VPS8: variants seen among roughly 807,000 people sequenced by gnomAD.
VPS8 encodes VPS8 subunit of CORVET complex.
VPS8 carries 129 observed loss-of-function variants against 216.4 expected under a neutral mutation model. The ratio of observed to expected loss-of-function variants is 0.60; its 90% CI spans 0.52 to 0.69. VPS8 has a LOEUF of 0.69. Ranked by LOEUF, VPS8 falls within the 30% of genes least tolerant of loss-of-function variation. The pLI, the probability that VPS8 is intolerant of heterozygous loss-of-function variation, is 0.00. For missense variants in VPS8, 1,531 were observed against 1,683.5 expected (o/e 0.91, Z 1.59); for synonymous variants, 571 against 565.4 (o/e 1.01, Z -0.14).
chr3:184,886,967 A>G (rs1417944043), intron 22 of VPS8, among the ~76,000 whole-genome samples: 1 of 152,146 alleles, frequency 6.6e-6, no homozygotes, highest in Non-Finnish European at 1.5e-5. Flanking sequence ...ATGCAGTACT[A>G]TTTTTTGTTT....
intron 20 of VPS8, among the ~76,000 whole-genome samples, chr3:184,869,775 A>C (rs1256900698): frequency 3.9e-5 from 6 of 152,272 alleles, no homozygotes; most frequent in Admixed American, 2.6e-4. Flanking sequence ...CTGTAGTCCT[A>C]GCTACTTGGG....
At chr3:185,039,104 G>A (rs976439178) in intron 46 of VPS8, among the ~76,000 whole-genome samples, 1 of 152,218 alleles carries the variant, frequency 6.6e-6, no homozygotes, top group Non-Finnish European at 1.5e-5. Flanking sequence ...GGTTGCAGTA[G>A]TGTGGAGTTC....
chr3:184,922,346 T>C (rs1316867897), intron 29 of VPS8: 10 of 438,238 alleles, frequency 2.3e-5, no homozygotes, highest in Admixed American at 1.0e-4. Flanking sequence ...ATCTGTCTTA[T>C]GTAGACTTGA....
intron 46 of VPS8, among the ~76,000 whole-genome samples, chr3:185,040,832 C>A (rs1759519399): frequency 1.3e-5 from 2 of 152,054 alleles, no homozygotes; most frequent in Non-Finnish European, 2.9e-5. Context: ...AGTTTCTGAC[C>A]CTTGGGAATC....
intron 8 of VPS8, among the ~76,000 whole-genome samples, chr3:184,848,560 T>C (rs1262960099): frequency 7.0e-6 from 1 of 142,006 alleles, no homozygotes; most frequent in Non-Finnish European, 1.5e-5. Flanking sequence ...TTTTTTCCTG[T>C]ATTCTTTTTT....
intron 25 of VPS8, among the ~76,000 whole-genome samples, chr3:184,911,683 G>T (rs1046093015): frequency 6.6e-6 from 1 of 152,094 alleles, no homozygotes. Flanking sequence ...TTTTGCTCTC[G>T]TAATCACCTA....
chr3:184,881,903 A>G (rs937374318), intron 21 of VPS8, among the ~76,000 whole-genome samples: 4 of 152,072 alleles, frequency 2.6e-5, no homozygotes, highest in Admixed American at 2.0e-4. Flanking sequence ...TATGTTCAGT[A>G]ATGGCATATG....
chr3:184,954,967 G>A (rs757873842), intron 36 of VPS8, among the ~76,000 whole-genome samples: 11 of 152,114 alleles, frequency 7.2e-5, no homozygotes, highest in African/African-American at 1.2e-4. Flanking sequence ...AGGTGTTGAC[G>A]GGATATTGTG....
chr3:184,910,044 G>T (rs553189753), intron 25 of VPS8, among the ~76,000 whole-genome samples: 1 of 151,670 alleles, frequency 6.6e-6, no homozygotes, highest in African/African-American at 2.4e-5. Context: ...TGATCCACAC[G>T]CATGGGTCAG....
At chr3:184,819,640 A>C (rs1717119798) in intron 1 of VPS8, among the ~76,000 whole-genome samples, 1 of 152,218 alleles carries the variant, frequency 6.6e-6, no homozygotes, top group Admixed American at 6.5e-5. Flanking sequence ...GTAAGGGTTA[A>C]TATTTCAGAA....
chr3:184,983,184 G>T, intron 42 of VPS8, 90 bp downstream of exon 42: 2 of 1,164,716 alleles, frequency 1.7e-6, no homozygotes, highest in Non-Finnish European at 2.3e-6. Flanking sequence ...ATATTTAAAT[G>T]GATCTCAAGC....
At chr3:185,039,424 C>T (rs1282328610) in intron 46 of VPS8, among the ~76,000 whole-genome samples, 2 of 151,976 alleles carry the variant, frequency 1.3e-5, no homozygotes, top group East Asian at 3.9e-4. Flanking sequence ...CCACTCAAGG[C>T]AGAAGGCAAA....
At chr3:185,042,618 A>AT (rs1711930872) in intron 46 of VPS8, among the ~76,000 whole-genome samples, 2 of 152,106 alleles carry the variant, frequency 1.3e-5, no homozygotes, top group South Asian at 4.1e-4. Context: ...TCCGGCAGTG[A>AT]TTTTTTAATG....
chr3:184,985,163 C>A (rs1750876441), intron 42 of VPS8, among the ~76,000 whole-genome samples: 1 of 152,068 alleles, frequency 6.6e-6, no homozygotes, highest in Non-Finnish European at 1.5e-5. Context: ...GATATCATTT[C>A]ATTTGAAGCC....
At chr3:184,821,972 A>G (rs1717696040) in intron 1 of VPS8, among the ~76,000 whole-genome samples, 1 of 152,134 alleles carries the variant, frequency 6.6e-6, no homozygotes, top group African/African-American at 2.4e-5. Context: ...ACGAGAACAC[A>G]TGGTTTGAAG....
At chr3:184,896,625 T>A (rs1180142480) in intron 23 of VPS8, among the ~76,000 whole-genome samples, 3 of 152,240 alleles carry the variant, frequency 2.0e-5, no homozygotes. Context: ...TTATTTTATT[T>A]ACTCTTTTAA....
chr3:184,823,231 A>G (rs1717992872), intron 1 of VPS8, among the ~76,000 whole-genome samples: 1 of 152,252 alleles, frequency 6.6e-6, no homozygotes, highest in African/African-American at 2.4e-5. Context: ...AGTTATTTCA[A>G]GCCAGGCATG....
chr3:184,872,442 G>C (rs1420579844), intron 21 of VPS8, among the ~76,000 whole-genome samples: 4 of 152,060 alleles, frequency 2.6e-5, no homozygotes, highest in Non-Finnish European at 4.4e-5. Flanking sequence ...ATGCATTCCT[G>C]TAGATGGTGG....
chr3:184,824,833 T>G, intron 2 of VPS8, 48 bp downstream of exon 2: 1 of 1,529,570 alleles, frequency 6.5e-7, no homozygotes, highest in Non-Finnish European at 8.9e-7. Context: ...CCAGTGTAGA[T>G]TAGAGTATGC....
Sources: allele counts gnomAD v4.1 joint callset (sites outside exome capture counted in the v4.1 genomes callset), GRCh38; gene constraint gnomAD v4.1.1; transcripts MANE v1.5; gene names NCBI Gene and HGNC (gene_info 2026-07-23, HGNC 2026-07-21).